PGM5: variants seen among roughly 807,000 people sequenced by gnomAD.
The protein encoded by PGM5 is phosphoglucomutase 5, also known as phosphoglucomutase-like protein 5.
In PGM5, 23 loss-of-function variants were observed where a neutral mutation model predicts 59.2. That is an observed-to-expected ratio of 0.39 (90% CI 0.28 to 0.55). PGM5 has a LOEUF of 0.55. Ranked by LOEUF, PGM5 falls within the 20% of genes least tolerant of loss-of-function variation. PGM5 has a pLI of 0.66. For synonymous variants in PGM5, 214 were observed against 286.0 expected (o/e 0.75, Z 2.54); for missense variants, 574 against 748.3 (o/e 0.77, Z 2.72).
chr9:68,515,970 G>A (rs1587229765), intron 10 of PGM5, among the ~76,000 whole-genome samples: 1 of 152,054 alleles, frequency 6.6e-6, no homozygotes, highest in Non-Finnish European at 1.5e-5. Context: ...CCCCGTATGG[G>A]GGCTAGGCAG....
chr9:68,408,256 G>C (rs1206206069), intron 6 of PGM5, among the ~76,000 whole-genome samples: 4 of 152,206 alleles, frequency 2.6e-5, no homozygotes, highest in Non-Finnish European at 5.9e-5. Context: ...AACTCCTAGA[G>C]GAGATCACAG....
intron 6 of PGM5, among the ~76,000 whole-genome samples, chr9:68,446,361 A>G (rs145439885): frequency 6.6e-6 from 1 of 152,352 alleles, no homozygotes; most frequent in East Asian, 1.9e-4. Context: ...CATTTCATAC[A>G]CCCTCTTGTC....
In PGM5 at chr9:68,357,122, G is replaced by A. The variant is rs1554675765; in HGVS notation, c.-6G>A. ...GGAGCCGCAGCAGGACCGGCCAGGA[G>A]GCGCCATGGAGGGGAGCCCCATCCC... On this transcript the variant is annotated 5_prime_UTR_variant, in exon 1 of 11. Coordinates refer to ENST00000396396, the MANE Select transcript of PGM5 (RefSeq NM_021965.4). 4.0e-6 allele frequency: 6 copies of A among 1,512,286 alleles called. No individual in the cohort carries two copies. The highest frequency in any genetic ancestry group is 5.3e-6 in the Non-Finnish European group (6 of 1,134,758). The allele number at this position is 1,512,286 out of a possible 1,614,324, so 93.7% of individuals were successfully genotyped here. A position where few individuals can be genotyped will look rare whatever the true frequency, so the allele number is the denominator to read the frequency against.
At position 68,474,879 on chromosome 9, in the gene PGM5, A is replaced by T. The variant is rs552454965; in HGVS notation, c.1160-4539A>T. Reference sequence around the variant, plus strand: ...AGCCATAAAAAGACATGAAGGAACCATAAATGCATATTATTAAGCAAAAGA... The same window carrying T: ...AGCCATAAAAAGACATGAAGGAACCTTAAATGCATATTATTAAGCAAAAGA... On this transcript the variant is annotated intron_variant, in intron 7 of 10. Transcript: ENST00000396396. Among the ~76,000 whole-genome samples, 170 of 150,616 alleles carry T rather than the reference A, an allele frequency of 1.1e-3. 2 individuals carry two copies. The Middle Eastern group carries it at 0.041, about 36-fold the overall frequency.
intron 6 of PGM5, chr9:68,396,542 G>T (rs1341526630): frequency 6.6e-6 from 1 of 152,228 alleles, no homozygotes; most frequent in African/African-American, 2.4e-5. Flanking sequence ...GTTTCAGTCA[G>T]AAACCAGAGG....
At chr9:68,461,917 A>G (rs1160861153) in intron 6 of PGM5, among the ~76,000 whole-genome samples, 4 of 151,988 alleles carry the variant, frequency 2.6e-5, no homozygotes, top group Non-Finnish European at 5.9e-5. Flanking sequence ...ATAAAGAAGG[A>G]CTGGGCAGTA....
chr9:68,476,858 C>A (rs1824113768), intron 7 of PGM5, among the ~76,000 whole-genome samples: 1 of 152,180 alleles, frequency 6.6e-6, no homozygotes, highest in African/African-American at 2.4e-5. Context: ...GACATCTTAT[C>A]TCACAGATTT....
intron 1 of PGM5, among the ~76,000 whole-genome samples, chr9:68,366,292 A>G (rs542891924): frequency 6.6e-6 from 1 of 152,212 alleles, no homozygotes; most frequent in East Asian, 1.9e-4. Flanking sequence ...CTCAGAAAAA[A>G]TCTATATGTT....
intron 7 of PGM5, among the ~76,000 whole-genome samples, chr9:68,471,789 G>T (rs1824023147): frequency 6.6e-6 from 1 of 151,786 alleles, no homozygotes; most frequent in Non-Finnish European, 1.5e-5. Flanking sequence ...TGTGGTGGCG[G>T]GTGCCTGTAA....
At chr9:68,522,693 A>C (rs909763278) in intron 10 of PGM5, among the ~76,000 whole-genome samples, 8 of 152,220 alleles carry the variant, frequency 5.3e-5, no homozygotes, top group African/African-American at 1.9e-4. Flanking sequence ...ATACGCAAAG[A>C]GACCAAAGTT....
chr9:68,450,509 A>G (rs1554684270), intron 6 of PGM5, among the ~76,000 whole-genome samples: 1 of 152,234 alleles, frequency 6.6e-6, no homozygotes, highest in Non-Finnish European at 1.5e-5. Flanking sequence ...AGGGGGAAAC[A>G]CTGTCCAAGC....
intron 1 of PGM5, among the ~76,000 whole-genome samples, chr9:68,376,833 C>CTTTCTTTCTTTCTTTT (rs1461144548): frequency 1.0e-4 from 8 of 77,962 alleles, no homozygotes; most frequent in African/African-American, 4.3e-4. Context: ...TTCTTTCTTT[C>CTTTCTTTCTTTCTTTT]TCTTTCTTTC....
intron 9 of PGM5, among the ~76,000 whole-genome samples, chr9:68,487,380 C>T (rs1211759608): frequency 6.6e-6 from 1 of 151,516 alleles, no homozygotes; most frequent in African/African-American, 2.4e-5. Flanking sequence ...TCCCCTTGAC[C>T]AGAATCCTTA....
chr9:68,471,921 A>C (rs986108806), intron 7 of PGM5, among the ~76,000 whole-genome samples: 7 of 151,996 alleles, frequency 4.6e-5, no homozygotes, highest in Non-Finnish European at 7.4e-5. Flanking sequence ...TCCATCTCAA[A>C]AAAAAAGGAC....
intron 6 of PGM5, chr9:68,398,730 G>A (rs1334976978): frequency 3.3e-5 from 5 of 152,166 alleles, no homozygotes; most frequent in African/African-American, 1.2e-4. Flanking sequence ...TGGGGACTTT[G>A]GGGTAGAAGG....
At chr9:68,377,343 A>C (rs1450274576) in intron 1 of PGM5, among the ~76,000 whole-genome samples, 1 of 152,188 alleles carries the variant, frequency 6.6e-6, no homozygotes, top group East Asian at 1.9e-4. Context: ...GGAGCTTTAA[A>C]ACTACTAATG....
chr9:68,408,400 C>T (rs1270503836), intron 6 of PGM5, among the ~76,000 whole-genome samples: 84 of 152,184 alleles, frequency 5.5e-4, no homozygotes, highest in South Asian at 4.1e-4. Flanking sequence ...TCATGTCCTT[C>T]ACCCACTTTT....
At chr9:68,440,952 T>G (rs1458030020) in intron 6 of PGM5, among the ~76,000 whole-genome samples, 5 of 151,960 alleles carry the variant, frequency 3.3e-5, no homozygotes, top group Non-Finnish European at 7.4e-5. Flanking sequence ...AGACACAAAT[T>G]ATAAACATCA....
Position 68,455,578 on chromosome 9 carries a change from T to C in PGM5, c.1044-9515T>C, listed in dbSNP as rs575838788. ...AAAAGGCACTAAGAATCTTGGGAAA[T>C]GTCCAGGCTAATTAATTACAGTTGG... On this transcript the variant is annotated intron_variant, in intron 6 of 10. Transcript: ENST00000396396. Among the ~76,000 whole-genome samples, 13 of 151,586 alleles carry C rather than the reference T, an allele frequency of 8.6e-5. No individual in the cohort carries two copies. The South Asian group carries it at 2.7e-3, about 32-fold the overall frequency.
Sources: allele counts gnomAD v4.1 joint callset (sites outside exome capture counted in the v4.1 genomes callset), GRCh38; gene constraint gnomAD v4.1.1; transcripts MANE v1.5; gene names NCBI Gene and HGNC (gene_info 2026-07-23, HGNC 2026-07-21).